The following VAV3 variants were observed in gnomAD, a reference collection of about 807,000 sequenced individuals.
VAV3 encodes the protein guanine nucleotide exchange factor VAV3.
A neutral mutation model predicts 131.2 loss-of-function variants in VAV3; 94 were observed. That is an observed-to-expected ratio of 0.72 (90% confidence interval 0.61 to 0.85). VAV3 has a LOEUF of 0.85. Ranked by LOEUF, VAV3 falls within the 40% of genes least tolerant of loss-of-function variation. VAV3 has a pLI of 0.00. For synonymous variants in VAV3, 349 were observed against 342.0 expected (o/e 1.02, Z -0.22); for missense variants, 939 against 1,002.7 (o/e 0.94, Z 0.86).
At chr1:107,964,600 G>A (rs1181096588) in intron 1 of VAV3, 66 bp downstream of exon 1, 6 of 1,544,706 alleles carry the variant, frequency 3.9e-6, no homozygotes, top group Admixed American at 1.9e-5. Flanking sequence ...TTTACACAAA[G>A]AAATTAGCCG....
chr1:107,609,550 T>TAAA (rs5776892), intron 22 of VAV3: 51,365 of 151,988 alleles, frequency 0.34, 8,699 homozygotes, highest in Middle Eastern at 0.4. Flanking sequence ...CTATAAAAAA[T>TAAA]AAAAAAAAAA....
chr1:107,729,079 C>A (rs953317550), intron 15 of VAV3, among the ~76,000 whole-genome samples: 2 of 152,144 alleles, frequency 1.3e-5, no homozygotes, highest in African/African-American at 4.8e-5. Flanking sequence ...CCAGGCCAGG[C>A]ATAGTTTTGC....
At chr1:107,714,770 A>G (rs892327216) in intron 15 of VAV3, among the ~76,000 whole-genome samples, 26 of 152,134 alleles carry the variant, frequency 1.7e-4, no homozygotes, top group Admixed American at 5.9e-4. Context: ...TCCTTTCCTT[A>G]TATTCCAAAT....
chr1:107,785,528 G>T (rs1218309552), intron 2 of VAV3: 1 of 1,285,630 alleles, frequency 7.8e-7, no homozygotes, highest in Non-Finnish European at 1.0e-6. Context: ...CGAGCTTGGG[G>T]GTTCAAGAAG....
intron 10 of VAV3, among the ~76,000 whole-genome samples, chr1:107,758,611 C>A (rs1469893230): frequency 6.6e-6 from 1 of 151,994 alleles, no homozygotes; most frequent in Non-Finnish European, 1.5e-5. Context: ...TCTGATCGGC[C>A]TTCTGACTTG....
chr1:107,903,878 C>G (rs1475809133), intron 1 of VAV3, among the ~76,000 whole-genome samples: 1 of 152,176 alleles, frequency 6.6e-6, no homozygotes, highest in Non-Finnish European at 1.5e-5. Flanking sequence ...CCCTTGTTCT[C>G]TTGGTCACAC....
At chr1:107,916,765 T>A (rs1273739976) in intron 1 of VAV3, among the ~76,000 whole-genome samples, 1 of 152,162 alleles carries the variant, frequency 6.6e-6, no homozygotes, top group Non-Finnish European at 1.5e-5. Flanking sequence ...ATCACTACCT[T>A]ACAAGGCAGT....
At chr1:107,732,432 G>A (rs934095398) in intron 15 of VAV3, among the ~76,000 whole-genome samples, 1 of 152,164 alleles carries the variant, frequency 6.6e-6, no homozygotes, top group Non-Finnish European at 1.5e-5. Flanking sequence ...AGAAGCTCAA[G>A]GGGTTGGGGG....
chr1:107,866,326 T>G (rs148576230), intron 2 of VAV3, among the ~76,000 whole-genome samples: 94 of 152,292 alleles, frequency 6.2e-4, no homozygotes, highest in South Asian at 5.6e-3. Context: ...CTGTACAGAT[T>G]CGCCACTGGT....
At chr1:107,627,937 GA>G (rs1421821614) in intron 20 of VAV3, among the ~76,000 whole-genome samples, 1 of 151,990 alleles carries the variant, frequency 6.6e-6, no homozygotes, top group Non-Finnish European at 1.5e-5. Flanking sequence ...TTTATTCTAG[GA>G]ACTGAGATAA....
chr1:107,717,167 GT>G (rs1661155823), intron 15 of VAV3, among the ~76,000 whole-genome samples: 1 of 151,894 alleles, frequency 6.6e-6, no homozygotes, highest in East Asian at 1.9e-4. Flanking sequence ...TATCTATTTT[GT>G]TGATCTTTTC....
intron 15 of VAV3, among the ~76,000 whole-genome samples, chr1:107,713,529 A>G (rs1660910494): frequency 6.6e-6 from 1 of 152,118 alleles, no homozygotes. Flanking sequence ...GCAATTTGTT[A>G]AAAAAATAAA....
At chr1:107,764,351 T>C (rs1664615370) in intron 9 of VAV3, among the ~76,000 whole-genome samples, 1 of 152,154 alleles carries the variant, frequency 6.6e-6, no homozygotes, top group Non-Finnish European at 1.5e-5. Flanking sequence ...CTCTACAATC[T>C]ACCCACACTG....
chr1:107,739,820 C>T (rs529133196), intron 15 of VAV3, among the ~76,000 whole-genome samples: 4 of 152,312 alleles, frequency 2.6e-5, no homozygotes, highest in African/African-American at 9.6e-5. Flanking sequence ...CCAGCTCATC[C>T]AGGAAGGCTC....
At chr1:107,683,026 C>T (rs1406636292) in intron 19 of VAV3, among the ~76,000 whole-genome samples, 3 of 152,000 alleles carry the variant, frequency 2.0e-5, no homozygotes, top group Non-Finnish European at 4.4e-5. Flanking sequence ...CACAAAGTCC[C>T]CAAAAAACAT....
intron 21 of VAV3, among the ~76,000 whole-genome samples, chr1:107,612,144 A>G (rs1215438203): frequency 6.9e-6 from 1 of 145,262 alleles, no homozygotes; most frequent in Non-Finnish European, 1.5e-5. Context: ...ATATATATAT[A>G]CACACACACA....
At chr1:107,706,657 C>A (rs556630981) in intron 15 of VAV3, among the ~76,000 whole-genome samples, 189 of 152,216 alleles carry the variant, frequency 1.2e-3, no homozygotes, top group African/African-American at 4.5e-3. Context: ...ACATTTGATT[C>A]TTGAGTCCAT....
intron 20 of VAV3, among the ~76,000 whole-genome samples, chr1:107,631,926 C>T (rs745765538): frequency 9.2e-5 from 14 of 151,842 alleles, no homozygotes; most frequent in Non-Finnish European, 1.3e-4. Context: ...TGAATAATGC[C>T]GCAATAAACA....
intron 17 of VAV3, among the ~76,000 whole-genome samples, chr1:107,689,590 T>G (rs532491486): frequency 6.6e-6 from 1 of 152,178 alleles, no homozygotes; most frequent in Non-Finnish European, 1.5e-5. Context: ...GAAAGTCACC[T>G]TCAGAAGAAA....
Sources: allele counts gnomAD v4.1 joint callset (sites outside exome capture counted in the v4.1 genomes callset), GRCh38; gene constraint gnomAD v4.1.1; transcripts MANE v1.5; gene names NCBI Gene and HGNC (gene_info 2026-07-23, HGNC 2026-07-21).